Variants in UBA7 observed in about 807,000 individuals in gnomAD.
The protein encoded by UBA7 is ubiquitin like modifier activating enzyme 7.
In UBA7, 88 loss-of-function variants were observed where a neutral mutation model predicts 113.0. The observed-to-expected ratio is 0.78, with a 90% CI of 0.66 to 0.93. The LOEUF is 0.93. Among genes scored for constraint, UBA7 ranks in the 40% least tolerant of loss-of-function variants. The probability of loss-of-function intolerance (pLI) is 0.00; values close to 1 mark genes in which losing one functional copy is unlikely to be tolerated. For synonymous variants in UBA7, 459 were observed against 513.0 expected, an observed-to-expected ratio of 0.89 and a Z score of 1.42; for missense variants, 1,092 against 1,266.4, an observed-to-expected ratio of 0.86 and a Z score of 2.09.
rs1458560959 is a variant in UBA7 at position 49,813,661 on chromosome 3, G to A, written c.57-14C>T. On this transcript the variant is annotated splice_polypyrimidine_tract_variant and intron_variant, in intron 1 of 23. Transcript: ENST00000333486. ...CCCAGCACATACCTGTGGATGGGAA[G>A]CAGAAGGCAAGCAGTTGTAGATCAA... The A allele has an allele frequency of 1.2e-6, 2 of 1,614,112 alleles. No homozygotes were observed. Among genetic ancestry groups the A allele is most frequent in the East Asian group, 2.2e-5 (1 of 44,900 alleles).
chr3:49,812,690 T>C lies in UBA7; in HGVS notation c.516A>G (p.Thr172=). The change falls in exon 5 of 24, where the codon ACA becomes ACG. Residue 172 remains threonine (T), a synonymous_variant. Coordinates refer to ENST00000333486, the MANE Select transcript of UBA7 (RefSeq NM_003335.3). ...FGEDFTVQDP[T]EAEPLTAAIQ... is the part of the protein sequence containing the mutation. Reference sequence around the variant, plus strand: ...TGGCAGCTGTCAGGGGTTCTGCCTCTGTGGGGTCCTGCACAGTGAAGTCCT... The same window carrying C: ...TGGCAGCTGTCAGGGGTTCTGCCTCCGTGGGGTCCTGCACAGTGAAGTCCT... 1.9e-6 allele frequency: 3 copies of C among 1,614,162 alleles called. 1 individual carries two copies. The highest frequency in any genetic ancestry group is 2.5e-6 in the Non-Finnish European group (3 of 1,180,032).
At chr3:49,812,050 A>G in intron 7 of UBA7, 34 bp from the exon 8 acceptor site, 1 of 1,614,130 alleles carries the variant, frequency 6.2e-7, no homozygotes, top group Non-Finnish European at 8.5e-7. Context: ...TCTAGTCCAG[A>G]ATGCTATGGG....
At chr3:49,806,235 C>A in intron 21 of UBA7, 70 bp from the exon 22 acceptor site, 1 of 1,410,276 alleles carries the variant, frequency 7.1e-7, no homozygotes, top group East Asian at 2.5e-5. Flanking sequence ...TTACCAGCAG[C>A]CTTTCCTAGG....
In UBA7 at chr3:49,805,937, C is replaced by A. The variant is rs866122045; in HGVS notation, c.2869G>T (p.Gly957Ter). The A allele has an allele frequency of 7.0e-6, 11 of 1,561,654 alleles. No individual in the cohort carries two copies. Among genetic ancestry groups the A allele is most frequent in the Non-Finnish European group, 9.5e-6 (11 of 1,152,856 alleles). ...LHGSALLYAA[G>*]WSPEKQAQHL... ...TGGGCCTGCTTTTCAGGTGACCATC[C>A]GGCCGCATAGAGCAGGGCTGAGCCG... is the stretch of plus-strand genomic sequence containing the variant. The change falls in exon 23 of 24, where the codon GGA becomes TGA. Residue 957 changes from glycine (G) to a stop codon, truncating the protein, a stop_gained. Coordinates refer to ENST00000333486, the MANE Select transcript of UBA7 (RefSeq NM_003335.3). LOFTEE classifies it low-confidence loss of function (END_TRUNC).
At chr3:49,805,510 G>C in intron 23 of UBA7, 73 bp from the exon 24 acceptor site, 1 of 1,456,628 alleles carries the variant, frequency 6.9e-7, no homozygotes, top group Non-Finnish European at 9.6e-7. Flanking sequence ...GCATGGACTA[G>C]AGAGGGTGCT....
At chr3:49,811,195 C>G in intron 9 of UBA7, 78 bp downstream of exon 9, 1 of 1,603,362 alleles carries the variant, frequency 6.2e-7, no homozygotes, top group Non-Finnish European at 8.5e-7. Context: ...GGGCTGCTCT[C>G]TAGCGCTGGG....
rs1406781457 is a variant in UBA7 at position 49,813,079 on chromosome 3, G to A, written c.450C>T (p.Asp150=). 4 of 1,613,612 alleles carry A rather than the reference G, an allele frequency of 2.5e-6. No homozygotes were observed. In the Admixed American group the frequency reaches 5.0e-5, roughly 20 times the overall value. Residue 150 remains aspartate, a synonymous_variant, in exon 4 of 24, where the codon GAC becomes GAT. Transcript: ENST00000333486. ...HKHGVCFLAA[D]TRGLVGQLFC... ...TTACTCACCCCACGAGGCCCCGGGT[G>A]TCAGCCGCCAGAAAGCAAACTCCAT... is the stretch of plus-strand genomic sequence containing the variant.
intron 8 of UBA7, 32 bp from the exon 9 acceptor site, chr3:49,811,487 C>T: frequency 6.4e-7 from 1 of 1,553,050 alleles, no homozygotes; most frequent in Non-Finnish European, 8.7e-7. Flanking sequence ...CATAGTAGCC[C>T]CAGCCTGAGC....
chr3:49,812,821 C>T (rs1006697672), intron 4 of UBA7, 83 bp from the exon 5 acceptor site: 2 of 1,484,096 alleles, frequency 1.3e-6, no homozygotes, highest in African/African-American at 2.8e-5. Flanking sequence ...GCCAGAGGGC[C>T]AGAATTGGGA....
chr3:49,812,188 A>G lies in UBA7; in HGVS notation c.713T>C (p.Ile238Thr), dbSNP rs1224871787. 3 of 1,614,136 alleles carry G rather than the reference A, an allele frequency of 1.9e-6. No individual in the cohort carries two copies. The highest frequency in any genetic ancestry group is 1.1e-5 in the South Asian group (1 of 91,080). The stretch of plus-strand genomic sequence containing the variant: ...CCGAGAGAAAGTTGTTGTGTCTCCA[A>G]TCTCCAGGGACCCATCCTCTGAGGG... Reference protein sequence around the residue: ...IHVREDGSLEIGDTTTFSRYL... With the variant: ...IHVREDGSLETGDTTTFSRYL... Residue 238 changes from isoleucine to threonine, a missense_variant, in exon 7 of 24, where the codon ATT becomes ACT. This residue lies in a region of UBA7 where 584 missense variants were observed against 714.5 expected (regional missense o/e 0.82). Coordinates refer to ENST00000333486, the MANE Select transcript of UBA7 (RefSeq NM_003335.3).
chr3:49,811,424 C>G lies in UBA7; in HGVS notation c.971G>C (p.Arg324Pro), dbSNP rs371405495. The change falls in exon 9 of 24, where the codon CGG (arginine) becomes CCG (proline). Residue 324 changes from arginine to proline, a missense_variant. Physicochemically the swap from Arg to Pro is moderately radical, Grantham distance 103. This residue lies in a region of UBA7 where 584 missense variants were observed against 714.5 expected (regional missense o/e 0.82). Transcript: ENST00000333486. ...VDAETVVGLA[R>P]DLEPLKRTEE... ...TGTCCGCTTCAGTGGTTCCAGGTCC[C>G]GGGCCAGGCCCACCACAGTCTCTGC... is the stretch of plus-strand genomic sequence containing the variant. The G allele has an allele frequency of 3.1e-6, 5 of 1,595,472 alleles. No individual in the cohort carries two copies. The highest frequency in any genetic ancestry group is 4.3e-6 in the Non-Finnish European group (5 of 1,171,526).
rs2081584322 is a variant in UBA7, at chr3:49,813,519, T to G, written c.185A>C (p.His62Pro). The change falls in exon 2 of 24, where the codon CAT becomes CCT. Residue 62 changes from histidine to proline, a missense_variant. Transcript: ENST00000333486. ...VLMGVGSLTL[H>P]DPHPTCWSDL... ...GGACCAGCAGGTGGGGTGGGGATCA[T>G]GCAGAGTGAGGCTGCCCACACCCAT... is the stretch of plus-strand genomic sequence containing the variant. The G allele has an allele frequency of 3.7e-6, 6 of 1,613,982 alleles. No individual in the cohort carries two copies. Among genetic ancestry groups the G allele is most frequent in the Non-Finnish European group, 5.1e-6 (6 of 1,180,024 alleles).
At chr3:49,812,380 A>G (rs2108301949) in intron 6 of UBA7, 28 bp downstream of exon 6, 1 of 1,613,704 alleles carries the variant, frequency 6.2e-7, no homozygotes, top group African/African-American at 1.3e-5. Flanking sequence ...TGGGCCCTGC[A>G]CCTGGAATTG....
chr3:49,805,286 A>G lies in UBA7; in HGVS notation c.*22T>C, dbSNP rs937097284. ...TTGGGATCCGGGGCTCCATTGAGCT[A>G]GGTGACAGGGTGGCTGCCTTGTCAC... On this transcript the variant is annotated 3_prime_UTR_variant, in exon 24 of 24. Coordinates refer to ENST00000333486, the MANE Select transcript of UBA7 (RefSeq NM_003335.3). The G allele has an allele frequency of 6.2e-7, 1 of 1,606,586 alleles. No homozygotes were observed. Among genetic ancestry groups the G allele is most frequent in the Non-Finnish European group, 8.5e-7 (1 of 1,173,738 alleles).
At chr3:49,811,809 C>G in intron 8 of UBA7, 61 bp downstream of exon 8, 1 of 1,598,646 alleles carries the variant, frequency 6.3e-7, no homozygotes, top group Non-Finnish European at 8.5e-7. Flanking sequence ...ATTGTTGCCT[C>G]TGGCAGGTGG....
chr3:49,808,554 C>T, intron 18 of UBA7, 86 bp from the exon 19 acceptor site: 3 of 1,387,304 alleles, frequency 2.2e-6, no homozygotes, highest in Non-Finnish European at 3.0e-6. Flanking sequence ...TTGGTCTTTG[C>T]CAAGCCTGTC....
intron 23 of UBA7, among the ~76,000 whole-genome samples, chr3:49,805,668 C>A (rs1371082217): frequency 6.6e-6 from 1 of 152,160 alleles, no homozygotes; most frequent in Non-Finnish European, 1.5e-5. Flanking sequence ...GGCTGTGCAG[C>A]ATGTGGGGAG....
At chr3:49,811,821 A>G in intron 8 of UBA7, 49 bp downstream of exon 8, 1 of 1,604,312 alleles carries the variant, frequency 6.2e-7, no homozygotes, top group Non-Finnish European at 8.5e-7. Context: ...GGCAGGTGGG[A>G]CCCCAATAAA....
Position 49,810,169 on chromosome 3 carries a change from C to A in UBA7, c.1648G>T (p.Ala550Ser), listed in dbSNP as rs750365727. ...DSFQARRYVA[A>S]RCTHYLKPLL... ...GGCTTCAGATAGTGGGTGCAACGAGCAGCCACATAGCGCCCTGGCAAGGGA... is the reference window on the plus strand; with the variant it reads ...GGCTTCAGATAGTGGGTGCAACGAGAAGCCACATAGCGCCCTGGCAAGGGA... Residue 550 changes from alanine to serine, a missense_variant, in exon 14 of 24, where the codon GCT becomes TCT. Ala to Ser is a moderately conservative substitution (Grantham distance 99, BLOSUM62 1). Transcript: ENST00000333486. The surrounding 1 kb of genome is among the most constrained non-coding windows in gnomAD (Gnocchi z 5.6). The A allele has an allele frequency of 1.2e-5, 19 of 1,613,030 alleles. 1 individual carries two copies. In the South Asian group the frequency reaches 1.9e-4, roughly 16 times the overall value.
Sources: allele counts gnomAD v4.1 joint callset (sites outside exome capture counted in the v4.1 genomes callset), GRCh38; gene constraint gnomAD v4.1.1; regional missense constraint gnomAD v4.1.1; non-coding constraint Gnocchi (gnomAD v3.1); transcripts MANE v1.5; gene names NCBI Gene and HGNC (gene_info 2026-07-23, HGNC 2026-07-21).